The following HAO1 variants were observed in gnomAD, a reference collection of about 807,000 sequenced individuals.
HAO1 encodes 2-Hydroxyacid oxidase 1.
HAO1 carries 34 observed loss-of-function variants against 39.7 expected under a neutral mutation model. The ratio of observed to expected loss-of-function variants is 0.86; its 90% CI spans 0.65 to 1.14. The LOEUF (loss-of-function observed/expected upper bound fraction) is 1.14. Ranked by LOEUF, HAO1 falls within the 50% of genes most tolerant of loss-of-function variation. The pLI is 0.00. For synonymous variants in HAO1, 172 were observed against 173.2 expected (o/e 0.99, Z 0.05); for missense variants, 479 against 464.5 (o/e 1.03, Z -0.29).
Position 7,883,135 on chromosome 20 carries a change from C to T in HAO1, c.*458G>A. 6.1e-6 allele frequency: 1 copy of T among 162,608 alleles called. No homozygotes were observed. Among genetic ancestry groups the T allele is most frequent in the Admixed American group, 5.8e-5 (1 of 17,244 alleles). 10.1% of individuals were successfully genotyped at this position (162,608 alleles called of 1,614,324 possible). ...CCCATTCCAATTCTCTCCAGTGCTA[C>T]CTTCTCAAAGTTGTGAATCAGGCAT... On this transcript the variant is annotated 3_prime_UTR_variant, in exon 8 of 8. Transcript: ENST00000378789.
chr20:7,883,976 G>C (rs1478473376), intron 7 of HAO1, among the ~76,000 whole-genome samples: 1 of 152,180 alleles, frequency 6.6e-6, no homozygotes, highest in Non-Finnish European at 1.5e-5. Context: ...TCACAGAATG[G>C]CATTCTTCTT....
chr20:7,928,312 A>G (rs2050368971), intron 2 of HAO1, among the ~76,000 whole-genome samples: 1 of 152,296 alleles, frequency 6.6e-6, no homozygotes, highest in East Asian at 1.9e-4. Flanking sequence ...CATAAAGTGT[A>G]GATTTCAGTA....
chr20:7,914,794 A>T (rs2050298953), intron 2 of HAO1, among the ~76,000 whole-genome samples: 1 of 152,212 alleles, frequency 6.6e-6, no homozygotes, highest in African/African-American at 2.4e-5. Flanking sequence ...ATTGTAGGTC[A>T]TATATAAAAT....
At chr20:7,908,350 C>T (rs189447755) in intron 3 of HAO1, among the ~76,000 whole-genome samples, 42 of 150,904 alleles carry the variant, frequency 2.8e-4, no homozygotes, top group African/African-American at 9.5e-4. Flanking sequence ...ACTCCAGCCA[C>T]TGCACTCCAG....
At chr20:7,907,013 G>A (rs759124059) in intron 3 of HAO1, among the ~76,000 whole-genome samples, 42 of 152,278 alleles carry the variant, frequency 2.8e-4, no homozygotes, top group Non-Finnish European at 4.3e-4. Context: ...GGTTGGAACC[G>A]CAGTAACAGG....
intron 1 of HAO1, among the ~76,000 whole-genome samples, chr20:7,935,873 C>T (rs2050407639): frequency 6.6e-6 from 1 of 152,058 alleles, no homozygotes; most frequent in African/African-American, 2.4e-5. Flanking sequence ...GTATAATAAA[C>T]GTGTTGTTTA....
intron 4 of HAO1, among the ~76,000 whole-genome samples, chr20:7,896,548 T>C (rs2050198708): frequency 6.6e-6 from 1 of 152,196 alleles, no homozygotes; most frequent in African/African-American, 2.4e-5. Flanking sequence ...ATGATAGTGA[T>C]ATTTTTCTCC....
intron 2 of HAO1, among the ~76,000 whole-genome samples, chr20:7,930,983 G>A (rs962947085): frequency 1.3e-5 from 2 of 152,170 alleles, no homozygotes; most frequent in African/African-American, 2.4e-5. Context: ...CACCTGCTAT[G>A]AGCTGATGAC....
chr20:7,894,518 T>G (rs2050188149), intron 5 of HAO1, among the ~76,000 whole-genome samples: 1 of 152,140 alleles, frequency 6.6e-6, no homozygotes, highest in South Asian at 2.1e-4. Flanking sequence ...AGATCAGGAT[T>G]CTTTAAAGTT....
chr20:7,888,314 C>T (rs2050159412), intron 5 of HAO1, among the ~76,000 whole-genome samples: 1 of 152,166 alleles, frequency 6.6e-6, no homozygotes, highest in African/African-American at 2.4e-5. Flanking sequence ...TCAAGTCACA[C>T]TCTTCCAGAA....
chr20:7,938,251 G>A (rs1027137976), intron 1 of HAO1, among the ~76,000 whole-genome samples: 5 of 152,144 alleles, frequency 3.3e-5, no homozygotes, highest in Admixed American at 2.0e-4. Context: ...ATGATGCAGT[G>A]TGAGGAATCA....
chr20:7,917,876 C>G (rs2050314302), intron 2 of HAO1, among the ~76,000 whole-genome samples: 1 of 152,178 alleles, frequency 6.6e-6, no homozygotes, highest in African/African-American at 2.4e-5. Flanking sequence ...ATCTGACTTG[C>G]AGGAAATGTA....
intron 4 of HAO1, among the ~76,000 whole-genome samples, chr20:7,904,665 A>G (rs1251868146): frequency 2.6e-5 from 4 of 152,314 alleles, no homozygotes; most frequent in African/African-American, 9.6e-5. Flanking sequence ...TTGTTTATAT[A>G]ACTGTCTCCT....
intron 4 of HAO1, among the ~76,000 whole-genome samples, chr20:7,905,654 T>C (rs906430514): frequency 3.3e-5 from 5 of 152,190 alleles, no homozygotes; most frequent in African/African-American, 1.2e-4. Flanking sequence ...TTGACCATAC[T>C]AGTCAGCCAT....
intron 2 of HAO1, among the ~76,000 whole-genome samples, chr20:7,924,130 G>A (rs929584425): frequency 2.0e-5 from 3 of 151,938 alleles, no homozygotes; most frequent in African/African-American, 7.3e-5. Context: ...AACTGTGTTC[G>A]CATAATGGCC....
intron 3 of HAO1, among the ~76,000 whole-genome samples, chr20:7,907,843 T>A (rs2050255836): frequency 6.6e-6 from 1 of 152,146 alleles, no homozygotes; most frequent in African/African-American, 2.4e-5. Flanking sequence ...CACAATAGAA[T>A]CATTCCTGTG....
chr20:7,920,188 T>C lies in HAO1; in HGVS notation c.290-5769A>G, dbSNP rs575624617. ...GTGAGTGAGCTCACACGAGATCTGATGGTTTTATAAGGGACTCTTCCCCCT... is the reference window on the plus strand; with the variant it reads ...GTGAGTGAGCTCACACGAGATCTGACGGTTTTATAAGGGACTCTTCCCCCT... On this transcript the variant is annotated intron_variant, in intron 2 of 7. Coordinates refer to ENST00000378789, the MANE Select transcript of HAO1 (RefSeq NM_017545.3). Among the ~76,000 whole-genome samples, 4 of 152,176 alleles carry C rather than the reference T, an allele frequency of 2.6e-5. No individual in the cohort carries two copies. The East Asian group carries it at 5.8e-4, about 22-fold the overall frequency.
At chr20:7,927,928 T>A (rs1049628253) in intron 2 of HAO1, among the ~76,000 whole-genome samples, 7 of 152,124 alleles carry the variant, frequency 4.6e-5, no homozygotes, top group African/African-American at 1.4e-4. Context: ...CCCACAGGAG[T>A]TGGAGAAAGT....
chr20:7,884,356 A>C (rs958654159), intron 7 of HAO1, among the ~76,000 whole-genome samples: 2 of 152,184 alleles, frequency 1.3e-5, no homozygotes, highest in Admixed American at 1.3e-4. Flanking sequence ...AATGCATATA[A>C]TTTTAAAAGG....
Sources: gnomAD v4.1 joint callset for allele counts (sites outside exome capture counted in the v4.1 genomes callset) on GRCh38, gnomAD v4.1.1 for gene constraint, MANE v1.5 for transcripts, NCBI Gene and HGNC (gene_info 2026-07-23, HGNC 2026-07-21) for gene names.